Variants in MARCHF10 observed in about 807,000 individuals in gnomAD.
MARCHF10 encodes the protein probable E3 ubiquitin-protein ligase MARCHF10.
Under a neutral mutation model 76.2 loss-of-function variants are expected in MARCHF10, and 64 were observed. That is an observed-to-expected ratio of 0.84 (90% confidence interval 0.69 to 1.03). MARCHF10 has a LOEUF of 1.03. MARCHF10 is among the 50% of genes least tolerant of loss of function. MARCHF10 has a pLI of 0.00. For synonymous variants in MARCHF10, 340 were observed against 357.5 expected, an observed-to-expected ratio of 0.95 and a Z score of 0.55; for missense variants, 875 against 958.0, an observed-to-expected ratio of 0.91 and a Z score of 1.14.
At chr17:62,804,632 G>A (rs1341491367) in intron 1 of MARCHF10, among the ~76,000 whole-genome samples, 1 of 152,158 alleles carries the variant, frequency 6.6e-6, no homozygotes, top group Non-Finnish European at 1.5e-5. Context: ...TGGAGATCAT[G>A]CTTTCAAGAA....
Position 62,706,629 on chromosome 17 carries a change from G to C in MARCHF10, c.2329-1048C>G, listed in dbSNP as rs536753613. On this transcript the variant is annotated intron_variant, in intron 9 of 10. Transcript: ENST00000311269. ...CAGTCTCACACGTGAATGAACCAAC[G>C]GGGATTTGAGAATGGCTTCTAGATC... 2.8e-3 allele frequency among the ~76,000 whole-genome samples: 421 copies of C among 152,224 alleles called. 2 individuals are homozygous for C. The highest frequency in any genetic ancestry group is 9.6e-3 in the African/African-American group (397 of 41,534).
chr17:62,745,449 C>T (rs191464051), intron 4 of MARCHF10, among the ~76,000 whole-genome samples: 126 of 152,282 alleles, frequency 8.3e-4, no homozygotes, highest in Non-Finnish European at 1.3e-3. Flanking sequence ...TTGGGATATG[C>T]CCGCTAGCAA....
At chr17:62,747,809 C>T (rs2091758444) in intron 4 of MARCHF10, among the ~76,000 whole-genome samples, 1 of 152,246 alleles carries the variant, frequency 6.6e-6, no homozygotes, top group Non-Finnish European at 1.5e-5. Context: ...CTCAATCCTT[C>T]TTTTATAAAA....
intron 6 of MARCHF10, among the ~76,000 whole-genome samples, chr17:62,731,406 G>T (rs992656098): frequency 1.3e-5 from 2 of 152,038 alleles, no homozygotes; most frequent in African/African-American, 4.8e-5. Flanking sequence ...GTGACTACTG[G>T]TGTGCGCCAC....
chr17:62,716,322 T>C (rs1397019510), intron 8 of MARCHF10, among the ~76,000 whole-genome samples: 1 of 151,736 alleles, frequency 6.6e-6, no homozygotes, highest in African/African-American at 2.4e-5. Context: ...CTGGGTGTGG[T>C]AGCTCACACC....
intron 3 of MARCHF10, among the ~76,000 whole-genome samples, chr17:62,775,558 G>A (rs1156814727): frequency 6.6e-6 from 1 of 151,818 alleles, no homozygotes; most frequent in African/African-American, 2.4e-5. Context: ...CCAACACGGT[G>A]TCTTGTACAC....
chr17:62,737,204 C>G lies in MARCHF10; in HGVS notation c.664G>C (p.Asp222His). 2 of 1,614,080 alleles carry G rather than the reference C, an allele frequency of 1.2e-6. No homozygotes were observed. The highest frequency in any genetic ancestry group is 1.7e-6 in the Non-Finnish European group (2 of 1,180,028). ...TCACTCTGGGAAGGAGCACTCGGGT[C>G]TCCTTTTTTGGCTCTATCAGGGGCG... ...ENAPDRAKKG[D>H]PSAPSQSELH... Residue 222 changes from aspartate to histidine, a missense_variant, in exon 6 of 11, where the codon GAC (aspartate) becomes CAC (histidine). Transcript: ENST00000311269.
intron 2 of MARCHF10, among the ~76,000 whole-genome samples, chr17:62,798,700 G>T (rs1165502086): frequency 6.6e-6 from 1 of 152,160 alleles, no homozygotes; most frequent in Admixed American, 6.5e-5. Context: ...GATGAGGCAG[G>T]AAGAAGCCAG....
chr17:62,771,405 C>T lies in MARCHF10; in HGVS notation c.211-11399G>A, dbSNP rs1049297109. On this transcript the variant is annotated intron_variant, in intron 3 of 10. Coordinates refer to ENST00000311269, the MANE Select transcript of MARCHF10 (RefSeq NM_152598.4). ...CAAAGGTGCTCTATCAGGAGGTGGC[C>T]GGGTACTTCAGAGGACACAAAGCCA... Among the ~76,000 whole-genome samples, 12 of 151,350 alleles carry T rather than the reference C, an allele frequency of 7.9e-5. No homozygotes were observed. The South Asian group carries it at 1.1e-3, about 13-fold the overall frequency.
intron 9 of MARCHF10, among the ~76,000 whole-genome samples, chr17:62,708,315 G>A (rs1256297286): frequency 6.6e-6 from 1 of 150,706 alleles, no homozygotes; most frequent in African/African-American, 2.4e-5. Flanking sequence ...GCGCCGTCTC[G>A]GCTCACTGCA....
intron 2 of MARCHF10, among the ~76,000 whole-genome samples, chr17:62,796,698 A>G (rs2092991224): frequency 6.6e-6 from 1 of 152,150 alleles, no homozygotes. Context: ...CACACAAAAG[A>G]CAATGTGCAG....
At chr17:62,724,526 T>C (rs1344449817) in intron 7 of MARCHF10, among the ~76,000 whole-genome samples, 1 of 152,122 alleles carries the variant, frequency 6.6e-6, no homozygotes, top group Non-Finnish European at 1.5e-5. Context: ...ATGAGGGACC[T>C]TCTGAAGTAT....
At chr17:62,722,691 G>A in intron 7 of MARCHF10, 94 bp from the exon 8 acceptor site, 2 of 1,008,726 alleles carry the variant, frequency 2.0e-6, no homozygotes, top group Non-Finnish European at 2.9e-6. Flanking sequence ...GAACTTGTGT[G>A]TGTTATGAAT....
chr17:62,755,111 TG>T (rs1189949950), intron 4 of MARCHF10, among the ~76,000 whole-genome samples: 2 of 152,212 alleles, frequency 1.3e-5, no homozygotes, highest in Non-Finnish European at 2.9e-5. Flanking sequence ...AACCCAGTAA[TG>T]ACTAACATTG....
At chr17:62,793,537 A>T (rs1331570460) in intron 2 of MARCHF10, among the ~76,000 whole-genome samples, 1 of 118,690 alleles carries the variant, frequency 8.4e-6, no homozygotes, top group Non-Finnish European at 1.7e-5. Flanking sequence ...CATCACCACC[A>T]CCACCACCTC....
At chr17:62,789,933 C>CA (rs2092814268) in intron 2 of MARCHF10, among the ~76,000 whole-genome samples, 1 of 151,752 alleles carries the variant, frequency 6.6e-6, no homozygotes, top group Non-Finnish European at 1.5e-5. Context: ...GAGTCTGTCT[C>CA]AAAAAATTAA....
chr17:62,746,894 G>A lies in MARCHF10; in HGVS notation c.383-2366C>T, dbSNP rs1046101356. 1.9e-5 allele frequency: 29 copies of A among 1,535,962 alleles called. 1 individual carries two copies. Among genetic ancestry groups the A allele is most frequent in the Non-Finnish European group, 2.2e-5 (25 of 1,146,890 alleles). ...ACAGGGAGGGATGCTTCTGCTCATGGGACCTTTCTTCCCCAGACTGCACCA... is the reference window on the plus strand; with the variant it reads ...ACAGGGAGGGATGCTTCTGCTCATGAGACCTTTCTTCCCCAGACTGCACCA... On this transcript the variant is annotated intron_variant, in intron 4 of 10. Coordinates refer to ENST00000311269, the MANE Select transcript of MARCHF10 (RefSeq NM_152598.4).
At chr17:62,713,529 T>G (rs996033645) in intron 8 of MARCHF10, among the ~76,000 whole-genome samples, 5 of 152,346 alleles carry the variant, frequency 3.3e-5, no homozygotes, top group Admixed American at 2.0e-4. Context: ...TTCCTTTATG[T>G]GCGCCCTTTG....
intron 3 of MARCHF10, among the ~76,000 whole-genome samples, chr17:62,786,312 C>T (rs2148107397): frequency 7.0e-6 from 1 of 142,166 alleles, no homozygotes; most frequent in South Asian, 2.2e-4. Flanking sequence ...TGTTCTCACT[C>T]ATAGGTGGGA....
Sources: allele counts gnomAD v4.1 joint callset (sites outside exome capture counted in the v4.1 genomes callset), GRCh38; gene constraint gnomAD v4.1.1; transcripts MANE v1.5; gene names NCBI Gene and HGNC (gene_info 2026-07-23, HGNC 2026-07-21).